The following CABCOCO1 variants were observed in gnomAD, a reference collection of about 807,000 sequenced individuals.
CABCOCO1 encodes the protein ciliary associated calcium binding coiled-coil 1.
CABCOCO1 carries 28 observed loss-of-function variants against 35.7 expected under a neutral mutation model. That is an observed-to-expected ratio of 0.78 (90% confidence interval 0.58 to 1.07). The LOEUF (loss-of-function observed/expected upper bound fraction) is 1.07. Among genes scored for constraint, CABCOCO1 ranks in the 50% least tolerant of loss-of-function variants. The pLI is 0.00. For missense variants in CABCOCO1, 326 were observed against 309.2 expected, an observed-to-expected ratio of 1.05 and a Z score of -0.41; for synonymous variants, 95 against 100.1, an observed-to-expected ratio of 0.95 and a Z score of 0.30.
chr10:61,690,209 T>C (rs1840094238), intron 4 of CABCOCO1, among the ~76,000 whole-genome samples: 1 of 152,114 alleles, frequency 6.6e-6, no homozygotes, highest in Non-Finnish European at 1.5e-5. Context: ...TAAAGTTTCA[T>C]GTTATTTAGT....
intron 2 of CABCOCO1, among the ~76,000 whole-genome samples, chr10:61,677,661 C>T (rs750927457): frequency 2.0e-5 from 3 of 151,980 alleles, no homozygotes; most frequent in African/African-American, 4.8e-5. Context: ...CATCATTTAA[C>T]GTTAGGTCTA....
rs148991736 is a variant in CABCOCO1, at chr10:61,679,633, C to T, written c.165-1510C>T. ...AGGTCTCCACCTCCAGTGTATTTCC[C>T]GAAAGTAGGTATTCAAGGACAAAAA... is the stretch of plus-strand genomic sequence containing the variant. On this transcript the variant is annotated intron_variant, in intron 2 of 7. Coordinates refer to ENST00000648843, the MANE Select transcript of CABCOCO1 (RefSeq NM_001366906.2). 1.5e-3 allele frequency among the ~76,000 whole-genome samples: 231 copies of T among 152,182 alleles called. 2 individuals carry two copies. The highest frequency in any genetic ancestry group is 9.8e-3 in the East Asian group (51 of 5,178).
intron 5 of CABCOCO1, among the ~76,000 whole-genome samples, chr10:61,710,078 A>T (rs1840691282): frequency 1.3e-5 from 2 of 152,036 alleles, no homozygotes; most frequent in African/African-American, 4.8e-5. Flanking sequence ...ATTTGCCAAA[A>T]ACAAGAAGAA....
At chr10:61,686,206 C>A (rs764457448) in intron 4 of CABCOCO1, 21 bp downstream of exon 4, 59 of 1,502,284 alleles carry the variant, frequency 3.9e-5, no homozygotes, top group Non-Finnish European at 5.2e-5. Context: ...TTTTCAGTAA[C>A]ATTTATTTTT....
intron 5 of CABCOCO1, among the ~76,000 whole-genome samples, chr10:61,733,585 A>G (rs1841351819): frequency 6.6e-6 from 1 of 152,076 alleles, no homozygotes; most frequent in African/African-American, 2.4e-5. Flanking sequence ...CATGAGAATG[A>G]TTTTCAAACT....
chr10:61,670,226 T>C (rs538684150), intron 1 of CABCOCO1, among the ~76,000 whole-genome samples: 8 of 152,088 alleles, frequency 5.3e-5, no homozygotes, highest in Admixed American at 2.6e-4. Flanking sequence ...TAAAAATATA[T>C]ATAATGAAAA....
At chr10:61,714,962 G>A (rs888068865) in intron 5 of CABCOCO1, among the ~76,000 whole-genome samples, 17 of 152,222 alleles carry the variant, frequency 1.1e-4, no homozygotes, top group African/African-American at 4.1e-4. Context: ...TAAGTGTGAT[G>A]TGGTGCTGAG....
intron 4 of CABCOCO1, among the ~76,000 whole-genome samples, chr10:61,688,734 T>A (rs1044359510): frequency 1.3e-5 from 2 of 152,204 alleles, no homozygotes; most frequent in African/African-American, 4.8e-5. Context: ...CTTCCAGGCA[T>A]CAAGCCAGAC....
In CABCOCO1 at chr10:61,766,104, C is replaced by T. The variant is rs185375609; in HGVS notation, c.*91C>T. ...ACTCTCTGGAGCGTCGTGTCTCCAT[C>T]ACTTAGTTGTGAAAGGAAAACCAAG... On this transcript the variant is annotated 3_prime_UTR_variant, in exon 8 of 8. Coordinates refer to ENST00000648843, the MANE Select transcript of CABCOCO1 (RefSeq NM_001366906.2). 7.6e-4 allele frequency: 885 copies of T among 1,169,754 alleles called. No homozygotes were observed. Among genetic ancestry groups the T allele is most frequent in the Non-Finnish European group, 9.5e-4 (783 of 824,064 alleles). 72.5% of individuals were successfully genotyped at this position (1,169,754 alleles called of 1,614,324 possible). A position where few individuals can be genotyped will look rare whatever the true frequency, so the allele number is the denominator to read the frequency against.
chr10:61,683,914 G>A (rs543692788), intron 3 of CABCOCO1, among the ~76,000 whole-genome samples: 1 of 152,144 alleles, frequency 6.6e-6, no homozygotes, highest in South Asian at 2.1e-4. Context: ...TCATATAAAT[G>A]TATTTTTGTT....
At chr10:61,696,863 G>A (rs562215669) in intron 5 of CABCOCO1, among the ~76,000 whole-genome samples, 19 of 151,948 alleles carry the variant, frequency 1.3e-4, no homozygotes, top group Non-Finnish European at 1.9e-4. Flanking sequence ...GGCAAACAAG[G>A]CAACGGAAAC....
intron 5 of CABCOCO1, among the ~76,000 whole-genome samples, chr10:61,751,213 C>CTTTT (rs57540074): frequency 5.5e-4 from 59 of 106,494 alleles, no homozygotes; most frequent in African/African-American, 1.8e-3. Flanking sequence ...TTGCCTTGCT[C>CTTTT]TTTTTTTTTT....
chr10:61,679,573 C>G (rs981125783), intron 2 of CABCOCO1, among the ~76,000 whole-genome samples: 1 of 152,102 alleles, frequency 6.6e-6, no homozygotes, highest in East Asian at 1.9e-4. Context: ...AAAGTTACTT[C>G]ATACAGAAAA....
intron 5 of CABCOCO1, among the ~76,000 whole-genome samples, chr10:61,703,560 T>C (rs951049533): frequency 1.3e-5 from 2 of 152,178 alleles, no homozygotes; most frequent in Non-Finnish European, 2.9e-5. Flanking sequence ...ATGTTTCTTC[T>C]ATGAAGACTT....
At chr10:61,671,457 A>C (rs1196820932) in intron 1 of CABCOCO1, among the ~76,000 whole-genome samples, 1 of 152,212 alleles carries the variant, frequency 6.6e-6, no homozygotes. Context: ...GAGCTGTGTC[A>C]GCATTAGGGA....
chr10:61,756,454 G>A (rs941140163), intron 5 of CABCOCO1, among the ~76,000 whole-genome samples: 4 of 151,888 alleles, frequency 2.6e-5, no homozygotes, highest in South Asian at 2.1e-4. Flanking sequence ...AGCTTTTAAT[G>A]TACTCACCTT....
intron 5 of CABCOCO1, among the ~76,000 whole-genome samples, chr10:61,743,981 C>T (rs950145548): frequency 1.3e-5 from 2 of 152,146 alleles, no homozygotes; most frequent in African/African-American, 4.8e-5. Context: ...GCCCCCACCA[C>T]CCACACAATA....
At chr10:61,680,561 T>TA (rs1156631869) in intron 2 of CABCOCO1, among the ~76,000 whole-genome samples, 1 of 18,688 alleles carries the variant, frequency 5.4e-5, no homozygotes, top group Admixed American at 8.1e-4. Context: ...ATATAATATA[T>TA]ATTTGTATAT....
At chr10:61,736,688 G>C (rs1841423539) in intron 5 of CABCOCO1, among the ~76,000 whole-genome samples, 1 of 152,112 alleles carries the variant, frequency 6.6e-6, no homozygotes, top group Admixed American at 6.6e-5. Flanking sequence ...AATGTCATTG[G>C]TAGTTTGATA....
Sources: gnomAD v4.1 joint callset for allele counts (sites outside exome capture counted in the v4.1 genomes callset) on GRCh38, gnomAD v4.1.1 for gene constraint, MANE v1.5 for transcripts, NCBI Gene and HGNC (gene_info 2026-07-23, HGNC 2026-07-21) for gene names.